PRKCB: variants seen among roughly 807,000 people sequenced by gnomAD.
The protein encoded by PRKCB is protein kinase C beta type.
Under a neutral mutation model 81.5 loss-of-function variants are expected in PRKCB, and 13 were observed. The observed-to-expected ratio is 0.16, with a 90% CI of 0.10 to 0.25. The LOEUF (loss-of-function observed/expected upper bound fraction) is 0.25, where lower values mean the gene tolerates loss of function less well. PRKCB is among the 10% of genes least tolerant of loss of function. PRKCB has a pLI of 1.00. For synonymous variants in PRKCB, 335 were observed against 321.4 expected (o/e 1.04, Z -0.45); for missense variants, 509 against 875.7 (o/e 0.58, Z 5.29).
At chr16:24,109,274 C>A (rs77860449) in intron 7 of PRKCB, among the ~76,000 whole-genome samples, 1 of 5,858 alleles carries the variant, frequency 1.7e-4, no homozygotes. Context: ...GGCGGCTGGC[C>A]GGGCGGGGGG....
rs58341820 is a variant in PRKCB, at chr16:24,096,666, A to AATAT, written c.821+2406_821+2409dup. ...CCTTCCTATGGCAAAAAAAAAAAAA[A>AATAT]ATATATATATATATATATATATATA... is the stretch of plus-strand genomic sequence containing the variant. On this transcript the variant is annotated intron_variant, in intron 7 of 16. Transcript: ENST00000643927. 9.0e-3 allele frequency among the ~76,000 whole-genome samples: 290 copies of AATAT among 32,116 alleles called. 2 individuals carry two copies. Among genetic ancestry groups the AATAT allele is most frequent in the East Asian group, 0.021 (18 of 846 alleles). The allele number at this position is 32,116 out of a possible 152,430, so 21.1% of individuals were successfully genotyped here.
At chr16:23,998,156 G>A (rs564784734) in intron 3 of PRKCB, among the ~76,000 whole-genome samples, 8 of 152,228 alleles carry the variant, frequency 5.3e-5, no homozygotes, top group South Asian at 2.1e-4. Flanking sequence ...ATTTTTTCCC[G>A]CCTTTGGGTG....
intron 2 of PRKCB, among the ~76,000 whole-genome samples, chr16:23,888,821 C>T (rs1285040028): frequency 6.6e-6 from 1 of 152,142 alleles, no homozygotes; most frequent in Non-Finnish European, 1.5e-5. Context: ...CTGGAAGGGT[C>T]TCACTAGCAA....
chr16:23,938,946 T>C (rs939640950), intron 2 of PRKCB, among the ~76,000 whole-genome samples: 1 of 152,228 alleles, frequency 6.6e-6, no homozygotes, highest in Non-Finnish European at 1.5e-5. Context: ...ACGACATGCG[T>C]ATCTGTGCAG....
At chr16:23,930,021 T>C (rs1310219396) in intron 2 of PRKCB, among the ~76,000 whole-genome samples, 1 of 152,038 alleles carries the variant, frequency 6.6e-6, no homozygotes, top group Non-Finnish European at 1.5e-5. Flanking sequence ...ATGGTCGAAA[T>C]GGGATTTGTA....
At chr16:24,136,087 T>C (rs547285442) in intron 9 of PRKCB, among the ~76,000 whole-genome samples, 2 of 151,524 alleles carry the variant, frequency 1.3e-5, no homozygotes, top group African/African-American at 4.9e-5. Flanking sequence ...GCAATTCTGA[T>C]TGCAGCGTGT....
chr16:24,192,413 T>A (rs1241677244), intron 16 of PRKCB, among the ~76,000 whole-genome samples: 3 of 152,200 alleles, frequency 2.0e-5, no homozygotes, highest in African/African-American at 7.2e-5. Context: ...GCCCCACATG[T>A]CATGAGCAGC....
intron 2 of PRKCB, among the ~76,000 whole-genome samples, chr16:23,888,992 A>G (rs751747212): frequency 6.6e-6 from 1 of 152,178 alleles, no homozygotes; most frequent in Non-Finnish European, 1.5e-5. Context: ...TTTTGCTAGC[A>G]GAGTGTGAAT....
chr16:23,855,156 G>A (rs981589620), intron 2 of PRKCB, among the ~76,000 whole-genome samples: 6 of 152,040 alleles, frequency 3.9e-5, no homozygotes, highest in African/African-American at 1.5e-4. Flanking sequence ...GGCGGGGGAG[G>A]GGGTGGCAGG....
At chr16:23,908,992 C>T (rs1304433159) in intron 2 of PRKCB, among the ~76,000 whole-genome samples, 1 of 152,246 alleles carries the variant, frequency 6.6e-6, no homozygotes, top group Non-Finnish European at 1.5e-5. Flanking sequence ...CCTGCACACC[C>T]ACTGGGACAC....
At chr16:24,077,262 A>T (rs1412234521) in intron 5 of PRKCB, among the ~76,000 whole-genome samples, 2 of 152,058 alleles carry the variant, frequency 1.3e-5, no homozygotes, top group African/African-American at 2.4e-5. Flanking sequence ...AGATGCCTTG[A>T]GATATGGATA....
chr16:23,884,700 A>G (rs1963171984), intron 2 of PRKCB, among the ~76,000 whole-genome samples: 1 of 151,796 alleles, frequency 6.6e-6, no homozygotes, highest in Non-Finnish European at 1.5e-5. Flanking sequence ...ATGCCTGGCT[A>G]ATTTTTTTAT....
intron 3 of PRKCB, among the ~76,000 whole-genome samples, chr16:24,018,589 A>G (rs1965316745): frequency 6.6e-6 from 1 of 152,264 alleles, no homozygotes; most frequent in Non-Finnish European, 1.5e-5. Flanking sequence ...CATGGACTGC[A>G]GTGCAGATCT....
intron 2 of PRKCB, among the ~76,000 whole-genome samples, chr16:23,980,431 G>T (rs1380928357): frequency 6.6e-6 from 1 of 152,234 alleles, no homozygotes; most frequent in African/African-American, 2.4e-5. Context: ...CAACTTAAAT[G>T]CCCTTTTCCA....
At chr16:23,976,503 G>A (rs1177916792) in intron 2 of PRKCB, among the ~76,000 whole-genome samples, 1 of 152,194 alleles carries the variant, frequency 6.6e-6, no homozygotes, top group East Asian at 1.9e-4. Context: ...CACCCTTAGA[G>A]CCAGAGGATG....
intron 5 of PRKCB, among the ~76,000 whole-genome samples, chr16:24,084,607 A>G (rs2141894950): frequency 6.6e-6 from 1 of 152,318 alleles, no homozygotes; most frequent in Middle Eastern, 3.4e-3. Flanking sequence ...TCACAAAATT[A>G]GTGATATATT....
Position 24,214,797 on chromosome 16 carries a change from A to C in PRKCB, c.2003A>C (p.Lys668Thr). The change falls in exon 17 of 17, where the codon AAA becomes ACA. Residue 668 changes from lysine to threonine, a missense_variant. By Grantham distance (78) the Lys-to-Thr change is moderately conservative. Around this residue, in one of 6 missense-constraint regions of PRKCB, gnomAD observed 104 missense variants for 160.5 expected, o/e 0.65. Transcript: ENST00000643927. ...TCCTTTGTTAACTCTGAATTTTTAA[A>C]ACCCGAAGTCAAGAGCTAAGTAGAT... ...GFSFVNSEFL[K>T]PEVKS 6.2e-7 allele frequency: 1 copy of C among 1,614,144 alleles called. No homozygotes were observed. The highest frequency in any genetic ancestry group is 8.5e-7 in the Non-Finnish European group (1 of 1,180,004).
At chr16:24,198,118 T>C (rs1967905703) in intron 16 of PRKCB, among the ~76,000 whole-genome samples, 1 of 152,224 alleles carries the variant, frequency 6.6e-6, no homozygotes, top group Non-Finnish European at 1.5e-5. Context: ...AGAATTTTGC[T>C]GACTTGTAGC....
Position 24,045,936 on chromosome 16 carries a change from G to A in PRKCB, c.529+10389G>A, listed in dbSNP as rs367721160. Among the ~76,000 whole-genome samples, 84 of 152,348 alleles carry A rather than the reference G, an allele frequency of 5.5e-4. 1 individual carries two copies. The South Asian group carries it at 0.016, about 29-fold the overall frequency. ...GGGTGATGTGAACCTCCAGCCCCGCGTTGGCCATGGCATCTTACCAGTCAT... is the reference window on the plus strand; with the variant it reads ...GGGTGATGTGAACCTCCAGCCCCGCATTGGCCATGGCATCTTACCAGTCAT... On this transcript the variant is annotated intron_variant, in intron 5 of 16. Transcript: ENST00000643927.
Sources: allele counts gnomAD v4.1 joint callset (sites outside exome capture counted in the v4.1 genomes callset), GRCh38; gene constraint gnomAD v4.1.1; regional missense constraint gnomAD v4.1.1; transcripts MANE v1.5; gene names NCBI Gene and HGNC (gene_info 2026-07-23, HGNC 2026-07-21).